The following MYCBP2 variants were observed in gnomAD, a reference collection of about 807,000 sequenced individuals.
MYCBP2 encodes E3 ubiquitin-protein ligase MYCBP2.
MYCBP2 carries 120 observed loss-of-function variants against 525.3 expected under a neutral mutation model. That is an observed-to-expected ratio of 0.23 (90% CI 0.20 to 0.27). MYCBP2 has a LOEUF of 0.27. Ranked by LOEUF, MYCBP2 falls within the 10% of genes least tolerant of loss-of-function variation. The pLI is 1.00. For missense variants in MYCBP2, 4,149 were observed against 5,657.1 expected, an observed-to-expected ratio of 0.73 and a Z score of 8.55; for synonymous variants, 1,894 against 1,955.8, an observed-to-expected ratio of 0.97 and a Z score of 0.83.
rs1409279381 is a variant in MYCBP2 at position 77,081,654 on chromosome 13, A to G, written c.11194-3T>C. 4 of 1,595,412 alleles carry G rather than the reference A, an allele frequency of 2.5e-6. No individual in the cohort carries two copies. Among genetic ancestry groups the G allele is most frequent in the Non-Finnish European group, 2.6e-6 (3 of 1,171,142 alleles). On this transcript the variant is annotated splice_polypyrimidine_tract_variant and splice_region_variant and intron_variant, in intron 64 of 82. Transcript: ENST00000544440. This position sits in a 1 kb window ranked among gnomAD's most constrained non-coding sequence, Gnocchi z 4.6. ...AAGCACATTACTATGCATAATTCCT[A>G]TCAGAAACAAATATAAGTACTTATG...
At position 77,150,895 on chromosome 13, in the gene MYCBP2, G is replaced by T. The variant is rs2056362873; in HGVS notation, c.6970C>A (p.Gln2324Lys). Residue 2324 changes from glutamine to lysine, a missense_variant, in exon 47 of 83, where the codon CAA (glutamine) becomes AAA (lysine). This residue lies in a region of MYCBP2 where 692 missense variants were observed against 852.7 expected (regional missense o/e 0.81). Coordinates refer to ENST00000544440, the MANE Select transcript of MYCBP2 (RefSeq NM_015057.5). Reference protein sequence around the residue: ...SQKKMSLQQDQAKKPQRIPGS... With the variant: ...SQKKMSLQQDKAKKPQRIPGS... ...GGAATCCTTTGAGGTTTCTTTGCTT[G>T]ATCTTGTTGTAAAGACATTTTTTTC... is the stretch of plus-strand genomic sequence containing the variant. The T allele has an allele frequency of 6.2e-7, 1 of 1,613,908 alleles. No individual in the cohort carries two copies. The highest frequency in any genetic ancestry group is 1.3e-5 in the African/African-American group (1 of 74,888).
chr13:77,282,086 A>G (rs538547203), intron 3 of MYCBP2, among the ~76,000 whole-genome samples: 1 of 152,292 alleles, frequency 6.6e-6, no homozygotes, highest in East Asian at 1.9e-4. Context: ...GCAGCAGCAG[A>G]AAGAGAGGAG....
chr13:77,175,360 T>C (rs1277255166), intron 36 of MYCBP2, among the ~76,000 whole-genome samples: 1 of 151,974 alleles, frequency 6.6e-6, no homozygotes, highest in Non-Finnish European at 1.5e-5. Context: ...GATAGAAATA[T>C]ATAGGCAAAC....
chr13:77,082,948 G>T, intron 63 of MYCBP2, 84 bp downstream of exon 63: 1 of 1,345,898 alleles, frequency 7.4e-7, no homozygotes, highest in Non-Finnish European at 1.0e-6. Flanking sequence ...TATTTAAAGA[G>T]CTTTTTTTGG....
At chr13:77,311,071 G>T (rs544186982) in intron 1 of MYCBP2, among the ~76,000 whole-genome samples, 4 of 152,194 alleles carry the variant, frequency 2.6e-5, no homozygotes, top group African/African-American at 9.7e-5. Context: ...TCCCAGTTTG[G>T]TTGTTTTTCT....
chr13:77,320,679 C>G (rs1376221011), intron 1 of MYCBP2, among the ~76,000 whole-genome samples: 5 of 151,950 alleles, frequency 3.3e-5, no homozygotes, highest in Non-Finnish European at 7.4e-5. Context: ...CCGTCTTACC[C>G]AAGTAATCAG....
rs146354817 is a variant in MYCBP2, at chr13:77,221,158, A to C, written c.2940-3201T>G. Among the ~76,000 whole-genome samples the C allele has an allele frequency of 1.6e-3, 201 of 128,284 alleles. 1 individual carries two copies. The highest frequency in any genetic ancestry group is 1.2e-3 in the Non-Finnish European group (68 of 57,248). The allele number at this position is 128,284 out of a possible 152,430, so 84.2% of individuals were successfully genotyped here. A position where few individuals can be genotyped will look rare whatever the true frequency, so the allele number is the denominator to read the frequency against. Reference sequence around the variant, plus strand: ...TAGATCCTACCAATGTTTAATCTTCATAAGAAACCCTGATATTTTGTTTCA... The same window carrying C: ...TAGATCCTACCAATGTTTAATCTTCCTAAGAAACCCTGATATTTTGTTTCA... On this transcript the variant is annotated intron_variant, in intron 20 of 82. Coordinates refer to ENST00000544440, the MANE Select transcript of MYCBP2 (RefSeq NM_015057.5).
Position 77,205,546 on chromosome 13 carries a change from A to G in MYCBP2, c.3642T>C (p.Ser1214=). 6.2e-7 allele frequency: 1 copy of G among 1,613,636 alleles called. No individual in the cohort carries two copies. The highest frequency in any genetic ancestry group is 2.2e-5 in the East Asian group (1 of 44,846). Residue 1214 remains serine, a synonymous_variant, in exon 25 of 83, where the codon AGT becomes AGC. Transcript: ENST00000544440. ...TTACTGCTTGAGTCTCTTCCTCTGT[A>G]CTTGCAACACCCATTTTTAAGTCCT... is the stretch of plus-strand genomic sequence containing the variant. ...AMQDLKMGVA[S]TEEETQAVMK...
intron 26 of MYCBP2, among the ~76,000 whole-genome samples, chr13:77,203,688 C>A (rs1263217848): frequency 2.0e-5 from 3 of 152,092 alleles, no homozygotes; most frequent in Non-Finnish European, 2.9e-5. Context: ...GTATTGGTAC[C>A]AAAACAGAGA....
Position 77,166,103 on chromosome 13 carries a change from C to CT in MYCBP2, c.6340+225dup, listed in dbSNP as rs1036409961. ...AACACTCTGCTTTGCTCAAGCTAAT[C>CT]TTTTTTTCACAAAATCCTTAAAACA... is the stretch of plus-strand genomic sequence containing the variant. On this transcript the variant is annotated intron_variant, in intron 41 of 82. Coordinates refer to ENST00000544440, the MANE Select transcript of MYCBP2 (RefSeq NM_015057.5). Among the ~76,000 whole-genome samples, 10 of 152,228 alleles carry CT rather than the reference C, an allele frequency of 6.6e-5. 1 individual carries two copies. The South Asian group carries it at 1.2e-3, about 19-fold the overall frequency.
At chr13:77,181,145 G>T (rs1350054565) in intron 33 of MYCBP2, among the ~76,000 whole-genome samples, 1 of 152,032 alleles carries the variant, frequency 6.6e-6, no homozygotes, top group Non-Finnish European at 1.5e-5. Flanking sequence ...AAAATTTCAA[G>T]AAGTCACAGA....
At chr13:77,203,455 A>G (rs1226406611) in intron 26 of MYCBP2, among the ~76,000 whole-genome samples, 4 of 152,152 alleles carry the variant, frequency 2.6e-5, no homozygotes, top group Admixed American at 1.3e-4. Flanking sequence ...AATATCGTGA[A>G]AATGGCCATA....
chr13:77,268,372 G>A (rs1018839416), intron 7 of MYCBP2, among the ~76,000 whole-genome samples: 2 of 152,048 alleles, frequency 1.3e-5, no homozygotes, highest in African/African-American at 4.8e-5. Context: ...TACTTTCCAC[G>A]GCATTATTTC....
chr13:77,276,816 GTTTTTTTTTTTTT>G (rs397851660), intron 4 of MYCBP2, among the ~76,000 whole-genome samples: 1 of 76,232 alleles, frequency 1.3e-5, no homozygotes, highest in East Asian at 3.7e-4. Context: ...TCCATGCCCA[GTTTTTTTTTTTTT>G]TTTTTTTTTT....
At chr13:77,302,873 A>T (rs1166295661) in intron 1 of MYCBP2, among the ~76,000 whole-genome samples, 1 of 152,260 alleles carries the variant, frequency 6.6e-6, no homozygotes, top group East Asian at 1.9e-4. Flanking sequence ...AACACTCCTA[A>T]ATTTGAATGC....
At chr13:77,198,230 C>A (rs1412824977) in intron 26 of MYCBP2, among the ~76,000 whole-genome samples, 4 of 152,198 alleles carry the variant, frequency 2.6e-5, no homozygotes. Context: ...GAGTCCTAAT[C>A]ATTATTCTAT....
chr13:77,090,332 G>T, intron 59 of MYCBP2, 69 bp from the exon 60 acceptor site: 1 of 1,293,948 alleles, frequency 7.7e-7, no homozygotes, highest in Non-Finnish European at 1.0e-6. Context: ...TACTTATAAT[G>T]ATGCAAAATA....
At chr13:77,055,858 T>C in intron 79 of MYCBP2, 91 bp from the exon 80 acceptor site, 1 of 853,114 alleles carries the variant, frequency 1.2e-6, no homozygotes, top group Non-Finnish European at 1.8e-6. Flanking sequence ...AGCATTGTGC[T>C]AGAAGATAAC....
intron 4 of MYCBP2, among the ~76,000 whole-genome samples, chr13:77,276,757 C>A (rs1230125202): frequency 3.3e-5 from 5 of 150,924 alleles, no homozygotes; most frequent in Non-Finnish European, 4.4e-5. Flanking sequence ...GCCTCAGACT[C>A]CTGGGCTCGA....
Sources: allele counts gnomAD v4.1 joint callset (sites outside exome capture counted in the v4.1 genomes callset), GRCh38; gene constraint gnomAD v4.1.1; regional missense constraint gnomAD v4.1.1; non-coding constraint Gnocchi (gnomAD v3.1); transcripts MANE v1.5; gene names NCBI Gene and HGNC (gene_info 2026-07-23, HGNC 2026-07-21).